The following AP1M1 variants were observed in gnomAD, a reference collection of about 807,000 sequenced individuals.
AP1M1 encodes the protein AP-1 complex subunit mu-1.
Under a neutral mutation model 57.1 loss-of-function variants are expected in AP1M1, and 18 were observed. The observed-to-expected ratio is 0.32, with a 90% CI of 0.22 to 0.47. The LOEUF (loss-of-function observed/expected upper bound fraction) is 0.47. Ranked by LOEUF, AP1M1 falls within the 20% of genes least tolerant of loss-of-function variation. The probability of loss-of-function intolerance (pLI) is 1.00; values close to 1 mark genes in which losing one functional copy is unlikely to be tolerated. For missense variants in AP1M1, 362 were observed against 593.5 expected (o/e 0.61, Z 4.05); for synonymous variants, 241 against 237.9 (o/e 1.01, Z -0.12).
At chr19:16,226,779 GC>G in intron 6 of AP1M1, 1 of 482,838 alleles carries the variant, frequency 2.1e-6, no homozygotes, top group African/African-American at 1.9e-5. Flanking sequence ...CCGTCACCCG[GC>G]CTCACACGCC....
rs560645004 is a variant in AP1M1 at position 16,236,839 on chromosome 19, A to C, written c.*2404A>C. ...CAATAGACCCTCAACATGAGGGCACATCCTGAAAATTACAAAACACGTGCA... is the reference window on the plus strand; with the variant it reads ...CAATAGACCCTCAACATGAGGGCACCTCCTGAAAATTACAAAACACGTGCA... On this transcript the variant is annotated 3_prime_UTR_variant, in exon 12 of 12. Coordinates refer to ENST00000291439, the MANE Select transcript of AP1M1 (RefSeq NM_032493.4). 2.0e-5 allele frequency: 3 copies of C among 152,368 alleles called. No homozygotes were observed. The highest frequency in any genetic ancestry group is 7.2e-5 in the African/African-American group (3 of 41,582). The allele number at this position is 152,368 out of a possible 1,614,324, so 9.4% of individuals were successfully genotyped here. A position where few individuals can be genotyped will look rare whatever the true frequency, so the allele number is the denominator to read the frequency against.
At chr19:16,208,279 T>C (rs2091478338) in intron 4 of AP1M1, 130 bp downstream of exon 4, 3 of 1,069,184 alleles carry the variant, frequency 2.8e-6, no homozygotes, top group Non-Finnish European at 3.9e-6. Context: ...CCTCCAGCAG[T>C]ATTCGGGTTT....
At chr19:16,205,674 T>C (rs776437706) in intron 2 of AP1M1, among the ~76,000 whole-genome samples, 29 of 152,042 alleles carry the variant, frequency 1.9e-4, no homozygotes, top group Non-Finnish European at 2.9e-4. Context: ...CGGGGACCCA[T>C]TAGGGAAAAA....
At chr19:16,223,470 G>A (rs1017323495) in intron 5 of AP1M1, among the ~76,000 whole-genome samples, 1 of 152,108 alleles carries the variant, frequency 6.6e-6, no homozygotes, top group African/African-American at 2.4e-5. Context: ...TCTGCCATTG[G>A]GCCCACTTCC....
intron 5 of AP1M1, among the ~76,000 whole-genome samples, chr19:16,225,335 G>A (rs988325456): frequency 2.6e-5 from 4 of 152,216 alleles, no homozygotes; most frequent in East Asian, 1.9e-4. Context: ...TATCCAAGTC[G>A]GTGGCCTTTG....
intron 5 of AP1M1, among the ~76,000 whole-genome samples, chr19:16,215,211 GAGAGGGGGGA>G (rs1568351065): frequency 1.1e-4 from 2 of 18,670 alleles, no homozygotes; most frequent in Non-Finnish European, 1.5e-4. Flanking sequence ...GGGGGGGGGG[GAGAGGGGGGA>G]GGGGGGAGGG....
At chr19:16,222,142 T>C (rs2091547151) in intron 5 of AP1M1, among the ~76,000 whole-genome samples, 2 of 152,024 alleles carry the variant, frequency 1.3e-5, no homozygotes, top group South Asian at 4.1e-4. Context: ...GCCTTTAAGT[T>C]CACAGGTCCT....
At chr19:16,234,177 G>A in intron 10 of AP1M1, 22 bp from the exon 11 acceptor site, 1 of 1,607,310 alleles carries the variant, frequency 6.2e-7, no homozygotes, top group Middle Eastern at 1.8e-4. Context: ...CGGTGCTCAG[G>A]GCCCTGCTAC....
chr19:16,228,338 T>C lies in AP1M1; in HGVS notation c.888+130T>C. On this transcript the variant is annotated intron_variant, in intron 8 of 11. Coordinates refer to ENST00000291439, the MANE Select transcript of AP1M1 (RefSeq NM_032493.4). This position sits in a 1 kb window ranked among gnomAD's most constrained non-coding sequence, Gnocchi z 5.0. ...CTCACTGTGGCCTCAGATGCAGGAG[T>C]GACCTGACACTGAGGGGACACCGCC... 1.0e-6 allele frequency: 1 copy of C among 952,688 alleles called. No individual in the cohort carries two copies. Among genetic ancestry groups the C allele is most frequent in the Non-Finnish European group, 1.6e-6 (1 of 619,362 alleles). The allele number at this position is 952,688 out of a possible 1,614,324, so 59.0% of individuals were successfully genotyped here. A position where few individuals can be genotyped will look rare whatever the true frequency, so the allele number is the denominator to read the frequency against.
rs1004026128 is a variant in AP1M1, at chr19:16,236,808, C to T, written c.*2373C>T. On this transcript the variant is annotated 3_prime_UTR_variant, in exon 12 of 12. Coordinates refer to ENST00000291439, the MANE Select transcript of AP1M1 (RefSeq NM_032493.4). The stretch of plus-strand genomic sequence containing the variant: ...TTCATGCCTTGTTACCTAAGATCCT[C>T]GCACACAATAGACCCTCAACATGAG... The T allele has an allele frequency of 5.9e-5, 9 of 152,310 alleles. No individual in the cohort carries two copies. Among genetic ancestry groups the T allele is most frequent in the African/African-American group, 1.4e-4 (6 of 41,570 alleles). The allele number at this position is 152,310 out of a possible 1,614,324, so 9.4% of individuals were successfully genotyped here. A position where few individuals can be genotyped will look rare whatever the true frequency, so the allele number is the denominator to read the frequency against.
intron 5 of AP1M1, among the ~76,000 whole-genome samples, chr19:16,211,811 G>T (rs1317286072): frequency 6.6e-6 from 1 of 151,998 alleles, no homozygotes; most frequent in Admixed American, 6.6e-5. Flanking sequence ...AACATGAAGA[G>T]ATGTTGAATT....
chr19:16,225,605 G>A (rs1451494918), intron 5 of AP1M1, among the ~76,000 whole-genome samples: 11 of 152,224 alleles, frequency 7.2e-5, no homozygotes, highest in Admixed American at 4.6e-4. Context: ...ATCTCGGCAT[G>A]CGCAGTGGGT....
At chr19:16,208,880 TTTCTGGAGC>T (rs1394956080) in intron 4 of AP1M1, 141 bp from the exon 5 acceptor site, 2 of 917,018 alleles carry the variant, frequency 2.2e-6, no homozygotes, top group African/African-American at 3.3e-5. Flanking sequence ...GAGGCTGCCT[TTTCTGGAGC>T]TGCTGAAATC....
intron 5 of AP1M1, among the ~76,000 whole-genome samples, chr19:16,213,333 A>T (rs2091503237): frequency 6.6e-6 from 1 of 152,184 alleles, no homozygotes; most frequent in East Asian, 1.9e-4. Context: ...CCTTACCATT[A>T]TGCAATGCAC....
chr19:16,233,106 C>T (rs770172910), intron 9 of AP1M1, among the ~76,000 whole-genome samples: 7 of 152,194 alleles, frequency 4.6e-5, no homozygotes, highest in Non-Finnish European at 7.3e-5. Context: ...TCCCCTGCCA[C>T]GGTCATTACA....
At position 16,227,827 on chromosome 19, in the gene AP1M1, C is replaced by A; in HGVS notation, c.816+137C>A. On this transcript the variant is annotated intron_variant, in intron 7 of 11. Transcript: ENST00000291439. This position sits in a 1 kb window ranked among gnomAD's most constrained non-coding sequence, Gnocchi z 6.2. Reference sequence around the variant, plus strand: ...CTGCCTGGCTCTGCAGAGATGGAGTCTGAGGACTTGGGACTCCGAGCTTTC... The same window carrying A: ...CTGCCTGGCTCTGCAGAGATGGAGTATGAGGACTTGGGACTCCGAGCTTTC... The A allele has an allele frequency of 4.2e-6, 5 of 1,197,260 alleles. No individual in the cohort carries two copies. The highest frequency in any genetic ancestry group is 2.8e-5 in the South Asian group (2 of 71,866). 74.2% of individuals were successfully genotyped at this position (1,197,260 alleles called of 1,614,324 possible).
rs901567508 is a variant in AP1M1 at position 16,207,564 on chromosome 19, A to G, written c.268-455A>G. Among the ~76,000 whole-genome samples the G allele has an allele frequency of 2.4e-4, 37 of 152,294 alleles. No individual in the cohort carries two copies. The highest frequency in any genetic ancestry group is 8.9e-4 in the African/African-American group (37 of 41,560). On this transcript the variant is annotated intron_variant, in intron 3 of 11. Transcript: ENST00000291439. This position sits in a 1 kb window ranked among gnomAD's most constrained non-coding sequence, Gnocchi z 4.2. ...CATTTGTGCCTGCAAAAGTGCTTCTAACAGCCCCTCTTCTTTGGCGTCCCT... is the reference window on the plus strand; with the variant it reads ...CATTTGTGCCTGCAAAAGTGCTTCTGACAGCCCCTCTTCTTTGGCGTCCCT...
intron 5 of AP1M1, among the ~76,000 whole-genome samples, chr19:16,217,795 A>G (rs2091525191): frequency 6.6e-6 from 1 of 152,148 alleles, no homozygotes; most frequent in African/African-American, 2.4e-5. Flanking sequence ...GTGCTCCACC[A>G]CATATGCTTC....
At chr19:16,223,720 C>T (rs917771747) in intron 5 of AP1M1, among the ~76,000 whole-genome samples, 2 of 152,198 alleles carry the variant, frequency 1.3e-5, no homozygotes, top group African/African-American at 2.4e-5. Context: ...TGCACTTTCT[C>T]GTGGGGGGCG....
Sources: allele counts gnomAD v4.1 joint callset (sites outside exome capture counted in the v4.1 genomes callset), GRCh38; gene constraint gnomAD v4.1.1; non-coding constraint Gnocchi (gnomAD v3.1); transcripts MANE v1.5; gene names NCBI Gene and HGNC (gene_info 2026-07-23, HGNC 2026-07-21).